Variants in SLC1A4 observed in about 807,000 individuals in gnomAD.
SLC1A4 encodes the protein solute carrier family 1 member 4, also known as neutral amino acid transporter A.
Under a neutral mutation model 37.7 loss-of-function variants are expected in SLC1A4, and 19 were observed. The ratio of observed to expected loss-of-function variants is 0.50; its 90% CI spans 0.35 to 0.74. The LOEUF (loss-of-function observed/expected upper bound fraction) is 0.74. SLC1A4 is among the 30% of genes least tolerant of loss of function. The probability of loss-of-function intolerance (pLI) is 0.01; values close to 1 mark genes in which losing one functional copy is unlikely to be tolerated. For synonymous variants in SLC1A4, 299 were observed against 309.8 expected, an observed-to-expected ratio of 0.97 and a Z score of 0.37; for missense variants, 570 against 712.9, an observed-to-expected ratio of 0.80 and a Z score of 2.28.
At position 65,002,570 on chromosome 2, in the gene SLC1A4, C is replaced by CTTTTTTTTTTTTTTTTT. The variant is rs70937394; in HGVS notation, c.570+1089_570+1105dup. Reference sequence around the variant, plus strand: ...TGCAAGTAACAGTCCTGTGACCATTCTTTTTTTTTTTTTTTTTTTTTTTTT... The same window carrying CTTTTTTTTTTTTTTTTT: ...TGCAAGTAACAGTCCTGTGACCATTCTTTTTTTTTTTTTTTTTTTTTTTTTTTTTTTTTTTTTTTTTT... On this transcript the variant is annotated intron_variant, in intron 2 of 7. Transcript: ENST00000234256. 7.5e-4 allele frequency among the ~76,000 whole-genome samples: 44 copies of CTTTTTTTTTTTTTTTTT among 59,046 alleles called. 5 individuals are homozygous for CTTTTTTTTTTTTTTTTT. Among genetic ancestry groups the CTTTTTTTTTTTTTTTTT allele is most frequent in the Middle Eastern group, 0.016 (1 of 64 alleles). The allele number at this position is 59,046 out of a possible 152,430, so 38.7% of individuals were successfully genotyped here. A position where few individuals can be genotyped will look rare whatever the true frequency, so the allele number is the denominator to read the frequency against.
At chr2:65,003,547 T>C (rs2103650830) in intron 2 of SLC1A4, among the ~76,000 whole-genome samples, 1 of 152,182 alleles carries the variant, frequency 6.6e-6, no homozygotes, top group South Asian at 2.1e-4. Flanking sequence ...AATAAATGAA[T>C]GGAAATAAAA....
Position 64,989,966 on chromosome 2 carries a change from G to C in SLC1A4, c.323G>C (p.Ser108Thr). Reference protein sequence around the residue: ...LVSGAASLDASCLGRLGGIAV... With the variant: ...LVSGAASLDATCLGRLGGIAV... ...TCGGGCGCCGCCTCGCTCGATGCCA[G>C]CTGCCTCGGGCGTCTGGGCGGCATC... Residue 108 changes from serine to threonine, a missense_variant, in exon 1 of 8, where the codon AGC (serine) becomes ACC (threonine). By Grantham distance (58) the Ser-to-Thr change is moderately conservative. Coordinates refer to ENST00000234256, the MANE Select transcript of SLC1A4 (RefSeq NM_003038.5). 1.3e-6 allele frequency: 2 copies of C among 1,579,234 alleles called. No individual in the cohort carries two copies. The highest frequency in any genetic ancestry group is 8.6e-7 in the Non-Finnish European group (1 of 1,162,616).
intron 4 of SLC1A4, 40 bp downstream of exon 4, chr2:65,010,803 C>T: frequency 6.3e-7 from 1 of 1,581,014 alleles, no homozygotes. Flanking sequence ...TCTCCTTCCT[C>T]CTGCCATCCA....
intron 4 of SLC1A4, among the ~76,000 whole-genome samples, chr2:65,012,476 C>G (rs1179204192): frequency 3.3e-5 from 5 of 152,210 alleles, no homozygotes; most frequent in African/African-American, 1.2e-4. Context: ...ACTTCTCTCT[C>G]TCAGGTAGTG....
chr2:64,990,952 T>C (rs1673026769), intron 1 of SLC1A4, among the ~76,000 whole-genome samples: 1 of 152,230 alleles, frequency 6.6e-6, no homozygotes, highest in East Asian at 1.9e-4. Context: ...TTTCTGTGAC[T>C]TATCCAAAAC....
chr2:64,990,256 C>T (rs775640629), intron 1 of SLC1A4, 86 bp downstream of exon 1: 197 of 1,221,390 alleles, frequency 1.6e-4, no homozygotes, highest in Middle Eastern at 3.9e-4. Context: ...TGCTTATACA[C>T]TCCTAAGAGT....
intron 3 of SLC1A4, among the ~76,000 whole-genome samples, chr2:65,009,809 C>A (rs1346901532): frequency 6.6e-6 from 1 of 152,102 alleles, no homozygotes; most frequent in East Asian, 1.9e-4. Context: ...TGAAAAAGTC[C>A]ATGTTGATCG....
chr2:64,990,048 G>A lies in SLC1A4; in HGVS notation c.405G>A (p.Leu135=). ...TLSASALAVA[L]AFIIKPGSGA... ...GTGCCTCGGCGCTCGCCGTGGCCTT[G>A]GCGTTCATCATCAAGCCAGGATCCG... The change falls in exon 1 of 8, where the codon TTG becomes TTA. Residue 135 remains leucine, a synonymous_variant. Coordinates refer to ENST00000234256, the MANE Select transcript of SLC1A4 (RefSeq NM_003038.5). The A allele has an allele frequency of 6.2e-7, 1 of 1,606,958 alleles. No individual in the cohort carries two copies. Among genetic ancestry groups the A allele is most frequent in the South Asian group, 1.1e-5 (1 of 89,530 alleles).
rs767102994 is a variant in SLC1A4 at position 65,021,620 on chromosome 2, C to G, written c.*474C>G. On this transcript the variant is annotated 3_prime_UTR_variant, in exon 8 of 8. Coordinates refer to ENST00000234256, the MANE Select transcript of SLC1A4 (RefSeq NM_003038.5). ...TGCTCAAATTCTTAGCCATGGCTGG[C>G]CTTTGCTGAGCTGGGACTCAGGTGT... The G allele has an allele frequency of 7.5e-5, 12 of 160,948 alleles. No individual in the cohort carries two copies. Among genetic ancestry groups the G allele is most frequent in the Non-Finnish European group, 1.2e-4 (9 of 73,516 alleles). The allele number at this position is 160,948 out of a possible 1,614,324, so 10.0% of individuals were successfully genotyped here.
chr2:65,008,678 C>T, intron 3 of SLC1A4, among the ~76,000 whole-genome samples: 1 of 152,106 alleles, frequency 6.6e-6, no homozygotes, highest in East Asian at 1.9e-4. Context: ...GTCTTATTGT[C>T]TATGGAATTA....
rs1269838797 is a variant in SLC1A4, at chr2:65,010,778, G to C, written c.800+15G>C. On this transcript the variant is annotated intron_variant, in intron 4 of 7. Coordinates refer to ENST00000234256, the MANE Select transcript of SLC1A4 (RefSeq NM_003038.5). Reference sequence around the variant, plus strand: ...TGGATTATGTGGTGAGTGCTGCTTTGCTGCCTACTCTCTCTCTCCTTCCTC... The same window carrying C: ...TGGATTATGTGGTGAGTGCTGCTTTCCTGCCTACTCTCTCTCTCCTTCCTC... 3 of 1,603,792 alleles carry C rather than the reference G, an allele frequency of 1.9e-6. No homozygotes were observed. Among genetic ancestry groups the C allele is most frequent in the Non-Finnish European group, 2.6e-6 (3 of 1,175,798 alleles).
At chr2:65,017,588 G>T (rs918722160) in intron 5 of SLC1A4, among the ~76,000 whole-genome samples, 2 of 152,106 alleles carry the variant, frequency 1.3e-5, no homozygotes. Context: ...AGAGCCCGCA[G>T]AGCCAGCTAG....
chr2:65,015,644 CAT>C (rs1368195292), intron 4 of SLC1A4, among the ~76,000 whole-genome samples: 1 of 152,182 alleles, frequency 6.6e-6, no homozygotes, highest in African/African-American at 2.4e-5. Flanking sequence ...AAACCAGTGA[CAT>C]TGTCTCCAGG....
rs910149705 is a variant in SLC1A4 at position 65,023,802 on chromosome 2, C to T, written c.*2656C>T. 2.6e-5 allele frequency: 4 copies of T among 152,670 alleles called. No homozygotes were observed. The highest frequency in any genetic ancestry group is 9.7e-5 in the African/African-American group (4 of 41,448). The allele number at this position is 152,670 out of a possible 1,614,324, so 9.5% of individuals were successfully genotyped here. Reference sequence around the variant, plus strand: ...ATACTGCTCATCTGACTGTTTTGTACATGTGACAATTGCCTTAAAACCTAG... The same window carrying T: ...ATACTGCTCATCTGACTGTTTTGTATATGTGACAATTGCCTTAAAACCTAG... On this transcript the variant is annotated 3_prime_UTR_variant, in exon 8 of 8. Transcript: ENST00000234256.
rs1311373081 is a variant in SLC1A4, at chr2:65,013,079, G to A, written c.800+2316G>A. Reference sequence around the variant, plus strand: ...AAGCATGGCAGAAGGTGAAGGGGAAGCAGGCATGTCTTCACATGGCCAGAG... The same window carrying A: ...AAGCATGGCAGAAGGTGAAGGGGAAACAGGCATGTCTTCACATGGCCAGAG... On this transcript the variant is annotated intron_variant, in intron 4 of 7. Transcript: ENST00000234256. Among the ~76,000 whole-genome samples the A allele has an allele frequency of 2.6e-5, 4 of 152,184 alleles. No individual in the cohort carries two copies. The East Asian group carries it at 7.7e-4, about 29-fold the overall frequency.
chr2:65,003,898 A>C, intron 2 of SLC1A4, 55 bp from the exon 3 acceptor site: 2 of 1,362,912 alleles, frequency 1.5e-6, no homozygotes, highest in Non-Finnish European at 2.1e-6. Flanking sequence ...TGGTTCCTCT[A>C]GGTCGGTCTT....
At position 65,018,156 on chromosome 2, in the gene SLC1A4, G is replaced by A. The variant is rs1259376787; in HGVS notation, c.1120G>A (p.Gly374Arg). ...GATCAGCAGGTTTATTCTCCCCATC[G>A]GGGCCACCGTGAACATGGACGGAGC... Reference protein sequence around the residue: ...KRISRFILPIGATVNMDGAAI... With the variant: ...KRISRFILPIRATVNMDGAAI... The change falls in exon 6 of 8, where the codon GGG (glycine) becomes AGG (arginine). Residue 374 changes from glycine (G) to arginine (R), a missense_variant. Coordinates refer to ENST00000234256, the MANE Select transcript of SLC1A4 (RefSeq NM_003038.5). The surrounding 1 kb of genome is among the most constrained non-coding windows in gnomAD (Gnocchi z 4.3). 5 of 1,614,142 alleles carry A rather than the reference G, an allele frequency of 3.1e-6. No individual in the cohort carries two copies. Among genetic ancestry groups the A allele is most frequent in the South Asian group, 2.2e-5 (2 of 91,064 alleles).
chr2:65,019,010 A>G (rs148525796), intron 7 of SLC1A4, among the ~76,000 whole-genome samples: 162 of 152,320 alleles, frequency 1.1e-3, no homozygotes, highest in African/African-American at 3.7e-3. Context: ...CATAGGAGTA[A>G]TAAGTCGATG....
At chr2:64,999,239 G>A (rs947319771) in intron 1 of SLC1A4, among the ~76,000 whole-genome samples, 7 of 152,260 alleles carry the variant, frequency 4.6e-5, no homozygotes, top group African/African-American at 1.4e-4. Context: ...TCACAGTTTT[G>A]CAACAATTTA....
Sources: gnomAD v4.1 joint callset for allele counts (sites outside exome capture counted in the v4.1 genomes callset) on GRCh38, gnomAD v4.1.1 for gene constraint, Gnocchi (gnomAD v3.1) non-coding constraint, MANE v1.5 for transcripts, NCBI Gene and HGNC (gene_info 2026-07-23, HGNC 2026-07-21) for gene names.